GLP2R: variants seen among roughly 807,000 people sequenced by gnomAD.
The protein encoded by GLP2R is glucagon-like peptide 2 receptor.
GLP2R carries 59 observed loss-of-function variants against 68.2 expected under a neutral mutation model. That is an observed-to-expected ratio of 0.87 (90% confidence interval 0.70 to 1.07). GLP2R has a LOEUF of 1.07. GLP2R is among the 50% of genes least tolerant of loss of function. The pLI is 0.00. For synonymous variants in GLP2R, 270 were observed against 265.4 expected, an observed-to-expected ratio of 1.02 and a Z score of -0.17; for missense variants, 548 against 677.4, an observed-to-expected ratio of 0.81 and a Z score of 2.12.
At chr17:9,885,162 T>C (rs147008864) in intron 11 of GLP2R, among the ~76,000 whole-genome samples, 1,766 of 148,006 alleles carry the variant, frequency 0.012, 36 homozygotes, top group African/African-American at 0.041. Flanking sequence ...TTATTATTAT[T>C]ATTATTATTA....
chr17:9,884,637 G>A (rs1269086937), intron 11 of GLP2R, among the ~76,000 whole-genome samples: 1 of 152,182 alleles, frequency 6.6e-6, no homozygotes, highest in Non-Finnish European at 1.5e-5. Flanking sequence ...GCTCACCAAA[G>A]GCCGAGGAGC....
intron 11 of GLP2R, among the ~76,000 whole-genome samples, chr17:9,882,029 C>G (rs7223866): frequency 0.32 from 46,395 of 145,428 alleles, 8,090 homozygotes; most frequent in African/African-American, 0.44. Context: ...TGGGACCATA[C>G]ACATTAACTA....
chr17:9,883,431 GA>G (rs2067214551), intron 11 of GLP2R, among the ~76,000 whole-genome samples: 2 of 152,074 alleles, frequency 1.3e-5, no homozygotes, highest in South Asian at 4.1e-4. Flanking sequence ...AGAAATGGTA[GA>G]ATAAATATTT....
chr17:9,836,533 T>G, intron 3 of GLP2R, 58 bp downstream of exon 3: 1 of 953,742 alleles, frequency 1.0e-6, no homozygotes, highest in South Asian at 1.3e-5. Flanking sequence ...GAAGTCCTCT[T>G]CCCCCACAAA....
At chr17:9,860,203 T>C (rs1022627480) in intron 7 of GLP2R, 102 bp downstream of exon 7, 1 of 1,126,210 alleles carries the variant, frequency 8.9e-7, no homozygotes, top group South Asian at 1.7e-5. Context: ...GGAGGTTGCT[T>C]CTGGGACATA....
chr17:9,851,184 A>C (rs2066888604), intron 4 of GLP2R, among the ~76,000 whole-genome samples: 1 of 152,208 alleles, frequency 6.6e-6, no homozygotes, highest in African/African-American at 2.4e-5. Context: ...AGGTTATTTA[A>C]TTAAATGTGT....
chr17:9,841,088 C>T (rs1245988124), intron 3 of GLP2R, among the ~76,000 whole-genome samples: 2 of 150,462 alleles, frequency 1.3e-5, no homozygotes, highest in African/African-American at 4.9e-5. Flanking sequence ...GTGATCTCAG[C>T]TCACTGCAAC....
rs2066942910 is a variant in GLP2R, at chr17:9,857,322, C to T, written c.612-101C>T. 3 of 1,010,872 alleles carry T rather than the reference C, an allele frequency of 3.0e-6. No individual in the cohort carries two copies. In the South Asian group the frequency reaches 4.5e-5, roughly 15 times the overall value. 62.6% of individuals were successfully genotyped at this position (1,010,872 alleles called of 1,614,324 possible). On this transcript the variant is annotated intron_variant, in intron 5 of 12. Transcript: ENST00000262441. ...CCAGCTCTGCAGCCTATACTATGAC[C>T]CTCTGTCTTTAGTGATAGATACACA...
intron 11 of GLP2R, among the ~76,000 whole-genome samples, chr17:9,881,372 T>C (rs7223762): frequency 0.065 from 8,746 of 133,910 alleles, 1,751 homozygotes; most frequent in African/African-American, 0.29. Flanking sequence ...GCAGGAGCTG[T>C]CAGGCCTTTT....
chr17:9,847,979 A>G (rs1360125688), intron 4 of GLP2R, among the ~76,000 whole-genome samples: 1 of 152,220 alleles, frequency 6.6e-6, no homozygotes, highest in Non-Finnish European at 1.5e-5. Flanking sequence ...GCAAGATTCC[A>G]TGTCTAATCT....
chr17:9,866,068 T>TA (rs2152042055), intron 9 of GLP2R: 1 of 359,996 alleles, frequency 2.8e-6, no homozygotes, highest in East Asian at 7.4e-5. Flanking sequence ...GCATTGGTTC[T>TA]AGGGCTCCCC....
chr17:9,840,010 C>G (rs2066770911), intron 3 of GLP2R, among the ~76,000 whole-genome samples: 1 of 142,280 alleles, frequency 7.0e-6, no homozygotes, highest in African/African-American at 2.6e-5. Context: ...GAGACAGAGT[C>G]TTGCTCTGTT....
rs1400989278 is a variant in GLP2R, at chr17:9,857,577, G to A, written c.765+1G>A. 1.2e-6 allele frequency: 2 copies of A among 1,614,080 alleles called. No individual in the cohort carries two copies. Among genetic ancestry groups the A allele is most frequent in the Non-Finnish European group, 1.7e-6 (2 of 1,179,944 alleles). On this transcript the variant is annotated splice_donor_variant, in intron 6 of 12. Transcript: ENST00000262441. LOFTEE classifies it high-confidence loss of function. ...TGGGTGGATGTCCTACCTGTCAGAG[G>A]TAATCCCCTTCCCCACTGTTTACAC...
At chr17:9,833,542 C>T (rs543031729) in intron 1 of GLP2R, among the ~76,000 whole-genome samples, 6 of 152,236 alleles carry the variant, frequency 3.9e-5, no homozygotes, top group South Asian at 2.1e-4. Context: ...AAGAATTTTG[C>T]GTACTCTTGA....
intron 11 of GLP2R, among the ~76,000 whole-genome samples, chr17:9,884,972 T>C (rs1425524168): frequency 1.3e-5 from 2 of 152,052 alleles, no homozygotes; most frequent in African/African-American, 4.8e-5. Flanking sequence ...CTTGATCACC[T>C]GATCTCACTC....
At chr17:9,873,531 G>A (rs1047258542) in intron 10 of GLP2R, among the ~76,000 whole-genome samples, 5 of 138,302 alleles carry the variant, frequency 3.6e-5, no homozygotes, top group African/African-American at 1.4e-4. Context: ...CCGTTGTGGT[G>A]GATATCACAA....
chr17:9,844,721 C>A lies in GLP2R; in HGVS notation c.504+2105C>A, dbSNP rs536738111. ...TTTTTTTTTTTGTGAGGCAGAGTCTCGCTCTGTCACCTAGGCTGGAGTGCA... is the reference window on the plus strand; with the variant it reads ...TTTTTTTTTTTGTGAGGCAGAGTCTAGCTCTGTCACCTAGGCTGGAGTGCA... On this transcript the variant is annotated intron_variant, in intron 4 of 12. Coordinates refer to ENST00000262441, the MANE Select transcript of GLP2R (RefSeq NM_004246.3). 1.2e-4 allele frequency among the ~76,000 whole-genome samples: 13 copies of A among 109,212 alleles called. No homozygotes were observed. In the Admixed American group the frequency reaches 1.5e-3, roughly 13 times the overall value. The allele number at this position is 109,212 out of a possible 152,430, so 71.6% of individuals were successfully genotyped here. A position where few individuals can be genotyped will look rare whatever the true frequency, so the allele number is the denominator to read the frequency against.
intron 3 of GLP2R, among the ~76,000 whole-genome samples, chr17:9,840,187 G>A (rs2066772724): frequency 6.6e-6 from 1 of 152,182 alleles, no homozygotes; most frequent in Non-Finnish European, 1.5e-5. Flanking sequence ...ATGTTGGCCA[G>A]GCTGGTCTCG....
At chr17:9,849,474 T>C (rs2066871591) in intron 4 of GLP2R, among the ~76,000 whole-genome samples, 1 of 152,122 alleles carries the variant, frequency 6.6e-6, no homozygotes, top group Admixed American at 6.5e-5. Flanking sequence ...TTCCCAAACT[T>C]TTATAGCTTT....
Sources: allele counts gnomAD v4.1 joint callset (sites outside exome capture counted in the v4.1 genomes callset), GRCh38; gene constraint gnomAD v4.1.1; transcripts MANE v1.5; gene names NCBI Gene and HGNC (gene_info 2026-07-23, HGNC 2026-07-21).